CENPT: variants seen among roughly 807,000 people sequenced by gnomAD.
CENPT encodes centromere protein T.
A neutral mutation model predicts 59.7 loss-of-function variants in CENPT; 42 were observed. The ratio of observed to expected loss-of-function variants is 0.70; its 90% CI spans 0.55 to 0.91. The LOEUF (loss-of-function observed/expected upper bound fraction) is 0.91, where lower values mean the gene tolerates loss of function less well. Among genes scored for constraint, CENPT ranks in the 40% least tolerant of loss-of-function variants. CENPT has a pLI of 0.00. For missense variants in CENPT, 716 were observed against 713.4 expected, an observed-to-expected ratio of 1.00 and a Z score of -0.04; for synonymous variants, 295 against 289.6, an observed-to-expected ratio of 1.02 and a Z score of -0.19.
Position 67,828,333 on chromosome 16 carries a change from G to A in CENPT, c.1620C>T (p.Pro540=), listed in dbSNP as rs1173526792. 9 of 1,609,402 alleles carry A rather than the reference G, an allele frequency of 5.6e-6. No individual in the cohort carries two copies. The highest frequency in any genetic ancestry group is 3.3e-4 in the Middle Eastern group (2 of 6,046). ...SLHVLVERHL[P]LEYRQLLIPC... is the part of the protein sequence containing the mutation. ...GGATGAGCAGCTGCCGGTACTCCAG[G>A]GGCAGGTGCCGCTCCACTAGCACGT... The change falls in exon 16 of 16, where the codon CCC becomes CCT. Residue 540 remains proline (P), a synonymous_variant. Coordinates refer to ENST00000562787, the MANE Select transcript of CENPT (RefSeq NM_025082.4).
At chr16:67,830,684 C>A in intron 10 of CENPT, 136 bp from the exon 11 acceptor site, 1 of 820,462 alleles carries the variant, frequency 1.2e-6, no homozygotes, top group Non-Finnish European at 1.9e-6. Flanking sequence ...TGGGTCCACC[C>A]TGAGTGGCCT....
chr16:67,831,965 G>C, intron 7 of CENPT, 47 bp downstream of exon 7: 1 of 1,588,332 alleles, frequency 6.3e-7, no homozygotes, highest in Non-Finnish European at 8.6e-7. Context: ...GAAACTCCCG[G>C]ACTAAGCTGC....
In CENPT at chr16:67,830,429, G is replaced by A. The variant is rs762220056; in HGVS notation, c.823C>T (p.Arg275Cys). Residue 275 changes from arginine (R) to cysteine (C), a missense_variant, in exon 11 of 16, where the codon CGC (arginine) becomes TGC (cysteine). Physicochemically the swap from Arg to Cys is radical, Grantham distance 180 (BLOSUM62 -3). Transcript: ENST00000562787. The part of the protein sequence containing the change: ...GAEDAEQAAG[R>C]KTQSSGPGLQ... ...CCAGGCCCACTGCTCTGTGTCTTGCGACCGGCAGCCTGCTCAGCGTCTTCA... is the reference window on the plus strand; with the variant it reads ...CCAGGCCCACTGCTCTGTGTCTTGCAACCGGCAGCCTGCTCAGCGTCTTCA... The A allele has an allele frequency of 9.9e-6, 16 of 1,613,886 alleles. No individual in the cohort carries two copies. Among genetic ancestry groups the A allele is most frequent in the Admixed American group, 5.0e-5 (3 of 59,928 alleles).
In CENPT at chr16:67,831,879, TGCA is replaced by T; in HGVS notation, c.395_397del (p.Leu132del). ...TGTGGGGGGCTCGAGCTCAGGAAGT[TGCA>T]GCTCCAGGCTATAAGAATGGAGCTT... On this transcript the variant is annotated inframe_deletion, in exon 8 of 16. Coordinates refer to ENST00000562787, the MANE Select transcript of CENPT (RefSeq NM_025082.4). The T allele has an allele frequency of 6.2e-7, 1 of 1,611,576 alleles. No individual in the cohort carries two copies. Among genetic ancestry groups the T allele is most frequent in the Non-Finnish European group, 8.5e-7 (1 of 1,179,298 alleles).
At chr16:67,829,713 C>A in intron 12 of CENPT, 52 bp downstream of exon 12, 1 of 1,571,530 alleles carries the variant, frequency 6.4e-7, no homozygotes, top group South Asian at 1.1e-5. Flanking sequence ...TTTCTGTGTG[C>A]TAGGGCCTGA....
At chr16:67,841,193 CAAAAAAAA>C (rs772893427) in intron 1 of CENPT, among the ~76,000 whole-genome samples, 37 of 27,574 alleles carry the variant, frequency 1.3e-3, no homozygotes, top group South Asian at 6.6e-3. Flanking sequence ...GACTCCTTTA[CAAAAAAAA>C]AAAAAAAAAA....
rs2057767599 is a variant in CENPT at position 67,842,369 on chromosome 16, G to C, written c.-492+5032C>G. On this transcript the variant is annotated intron_variant, in intron 1 of 15. Transcript: ENST00000562787. The surrounding 1 kb of genome is among the most constrained non-coding windows in gnomAD (Gnocchi z 4.9). ...GGCAGCCAGGCGGGCGGCGCGGCGCGGGCCGGCAGGAAGCGTATTCTGGGC... is the reference window on the plus strand; with the variant it reads ...GGCAGCCAGGCGGGCGGCGCGGCGCCGGCCGGCAGGAAGCGTATTCTGGGC... 4.0e-6 allele frequency: 1 copy of C among 248,244 alleles called. No homozygotes were observed. The highest frequency in any genetic ancestry group is 7.0e-6 in the Non-Finnish European group (1 of 143,334). 15.4% of individuals were successfully genotyped at this position (248,244 alleles called of 1,614,324 possible).
chr16:67,829,636 G>A, intron 12 of CENPT, 120 bp from the exon 13 acceptor site: 1 of 1,292,496 alleles, frequency 7.7e-7, no homozygotes, highest in East Asian at 2.4e-5. Flanking sequence ...AGCCAAGCAG[G>A]TGCCCCTCAG....
intron 1 of CENPT, chr16:67,841,741 C>T (rs1208108603): frequency 6.6e-6 from 1 of 152,252 alleles, no homozygotes; most frequent in African/African-American, 2.4e-5. Context: ...TTGTTTAGAT[C>T]AGTTAGTCAA....
chr16:67,846,554 G>T (rs2057800338), intron 1 of CENPT, among the ~76,000 whole-genome samples: 1 of 152,382 alleles, frequency 6.6e-6, no homozygotes, highest in South Asian at 2.1e-4. Context: ...CCCAGGGAGG[G>T]GCAGCTGGGC....
rs8052191 is a variant in CENPT, at chr16:67,831,384, A to C, written c.561-26T>G. ...CTGGTGAGGTGGGGAGGCACAGAGGAAAGTCAGGTACCTGAGACCCAGTTT... is the reference window on the plus strand; with the variant it reads ...CTGGTGAGGTGGGGAGGCACAGAGGCAAGTCAGGTACCTGAGACCCAGTTT... On this transcript the variant is annotated intron_variant, in intron 9 of 15. Transcript: ENST00000562787. 0.048 allele frequency: 77,266 copies of C among 1,607,584 alleles called. 2,458 individuals carry two copies. The highest frequency in any genetic ancestry group is 0.14 in the African/African-American group (10,759 of 74,860).
intron 1 of CENPT, among the ~76,000 whole-genome samples, chr16:67,840,923 GC>G (rs1163149078): frequency 6.6e-6 from 1 of 150,470 alleles, no homozygotes; most frequent in African/African-American, 2.4e-5. Flanking sequence ...ACTTTGGGAG[GC>G]CGAGGCGAGC....
At position 67,830,066 on chromosome 16, in the gene CENPT, A is replaced by C. The variant is rs1200328834; in HGVS notation, c.885T>G (p.Phe295Leu). The C allele has an allele frequency of 6.2e-7, 1 of 1,614,086 alleles. No homozygotes were observed. The highest frequency in any genetic ancestry group is 8.5e-7 in the Non-Finnish European group (1 of 1,180,030). The change falls in exon 12 of 16, where the codon TTT becomes TTG. Residue 295 changes from phenylalanine to leucine, a missense_variant. Phe to Leu is a conservative substitution (Grantham distance 22). Transcript: ENST00000562787. The part of the protein sequence containing the change: ...QKNSPGKPAQ[F>L]LAGEAEEVNA... ...TGACCTCCTCTGCCTCTCCTGCCAGAAACTGGGCTGGTTTCCCAGGGCCTG... is the reference window on the plus strand; with the variant it reads ...TGACCTCCTCTGCCTCTCCTGCCAGCAACTGGGCTGGTTTCCCAGGGCCTG...
chr16:67,831,222 G>C lies in CENPT; in HGVS notation c.697C>G (p.Pro233Ala). Reference protein sequence around the residue: ...LRDLRDTSLAPPNIVLEDTQP... With the variant: ...LRDLRDTSLAAPNIVLEDTQP... ...GGGGAAAACCCAACCTTACTTGGAGGAGCCAGGGAAGTATCTCGCAGATCC... is the reference window on the plus strand; with the variant it reads ...GGGGAAAACCCAACCTTACTTGGAGCAGCCAGGGAAGTATCTCGCAGATCC... Residue 233 changes from proline to alanine, a missense_variant, in exon 10 of 16, where the codon CCT becomes GCT. Transcript: ENST00000562787. 2 of 1,614,012 alleles carry C rather than the reference G, an allele frequency of 1.2e-6. No homozygotes were observed. The highest frequency in any genetic ancestry group is 1.7e-5 in the Admixed American group (1 of 60,016).
At chr16:67,838,636 A>G (rs552106285) in intron 1 of CENPT, among the ~76,000 whole-genome samples, 1 of 150,632 alleles carries the variant, frequency 6.6e-6, no homozygotes, top group Non-Finnish European at 1.5e-5. Context: ...AAAAAAAAAG[A>G]AAAAAAAATG....
intron 1 of CENPT, among the ~76,000 whole-genome samples, chr16:67,841,193 C>CAAAAAAAAAA (rs772893427): frequency 3.6e-5 from 1 of 27,574 alleles, no homozygotes; most frequent in African/African-American, 1.0e-4. Context: ...GACTCCTTTA[C>CAAAAAAAAAA]AAAAAAAAAA....
At chr16:67,829,302 G>A (rs2057653306) in intron 13 of CENPT, 121 bp downstream of exon 13, 2 of 792,216 alleles carry the variant, frequency 2.5e-6, no homozygotes, top group Non-Finnish European at 1.9e-6. Context: ...CAGCCCAGCT[G>A]AAGCTGCCCT....
intron 1 of CENPT, among the ~76,000 whole-genome samples, chr16:67,836,811 G>A (rs2057737026): frequency 6.6e-6 from 1 of 151,698 alleles, no homozygotes. Context: ...GACCTCAGGT[G>A]ATCCGCCTGC....
chr16:67,833,742 T>TCA lies in CENPT; in HGVS notation c.110+6_110+7dup. 1 of 1,505,606 alleles carries TCA rather than the reference T, an allele frequency of 6.6e-7. No homozygotes were observed. The highest frequency in any genetic ancestry group is 8.9e-7 in the Non-Finnish European group (1 of 1,124,908). The allele number at this position is 1,505,606 out of a possible 1,614,324, so 93.3% of individuals were successfully genotyped here. On this transcript the variant is annotated splice_region_variant and intron_variant, in intron 4 of 15. Coordinates refer to ENST00000562787, the MANE Select transcript of CENPT (RefSeq NM_025082.4). ...TTGCTCAAGTACTCGGGGAGCCCCC[T>TCA]CACATACCCAGCCCGAGCACTCCGG... is the stretch of plus-strand genomic sequence containing the variant.
Sources: gnomAD v4.1 joint callset for allele counts (sites outside exome capture counted in the v4.1 genomes callset) on GRCh38, gnomAD v4.1.1 for gene constraint, Gnocchi (gnomAD v3.1) non-coding constraint, MANE v1.5 for transcripts, NCBI Gene and HGNC (gene_info 2026-07-23, HGNC 2026-07-21) for gene names.